The following CSMD1 variants were observed in gnomAD, a reference collection of about 807,000 sequenced individuals.
The protein encoded by CSMD1 is CUB and Sushi multiple domains 1.
A neutral mutation model predicts 417.5 loss-of-function variants in CSMD1; 213 were observed. The ratio of observed to expected loss-of-function variants is 0.51; its 90% CI spans 0.46 to 0.57. The LOEUF is 0.57. Among genes scored for constraint, CSMD1 ranks in the 20% least tolerant of loss-of-function variants. The pLI is 0.00. For missense variants in CSMD1, 6,923 were observed against 4,529.7 expected (o/e 1.53, Z -15.17); for synonymous variants, 2,862 against 1,736.8 (o/e 1.65, Z -16.11).
chr8:4,178,145 C>A (rs1199489855), intron 3 of CSMD1, among the ~76,000 whole-genome samples: 1 of 152,138 alleles, frequency 6.6e-6, no homozygotes, highest in African/African-American at 2.4e-5. Context: ...AATTTTAGAC[C>A]AATATCCTTG....
intron 3 of CSMD1, among the ~76,000 whole-genome samples, chr8:4,296,038 A>G (rs1797662868): frequency 6.6e-6 from 1 of 152,042 alleles, no homozygotes; most frequent in Admixed American, 6.6e-5. Context: ...GAAACTGTCT[A>G]ATTGCAAAAA....
intron 1 of CSMD1, among the ~76,000 whole-genome samples, chr8:4,654,809 T>C (rs1804127701): frequency 6.6e-6 from 1 of 152,104 alleles, no homozygotes; most frequent in Non-Finnish European, 1.5e-5. Context: ...AAGTCATCTT[T>C]CACTGGTGAA....
At chr8:4,501,541 C>G (rs1346113821) in intron 2 of CSMD1, among the ~76,000 whole-genome samples, 4 of 152,118 alleles carry the variant, frequency 2.6e-5, no homozygotes, top group African/African-American at 9.7e-5. Context: ...TTTCAGTTAC[C>G]TAAGGTCAAC....
intron 10 of CSMD1, among the ~76,000 whole-genome samples, chr8:3,507,373 T>TGATGTATA (rs1796872457): frequency 6.6e-6 from 1 of 151,976 alleles, no homozygotes; most frequent in Non-Finnish European, 1.5e-5. Context: ...CATGATGTAT[T>TGATGTATA]TGTGCCACAT....
At position 4,338,057 on chromosome 8, in the gene CSMD1, G is replaced by C. The variant is rs7015647; in HGVS notation, c.415+81896C>G. On this transcript the variant is annotated intron_variant, in intron 3 of 69. Transcript: ENST00000635120. Reference sequence around the variant, plus strand: ...TATTCCAAGAATCTGCTTCAATAAAGCCCCATCATACTCTTTTTAATACAT... The same window carrying C: ...TATTCCAAGAATCTGCTTCAATAAACCCCCATCATACTCTTTTTAATACAT... 5.4e-3 allele frequency among the ~76,000 whole-genome samples: 825 copies of C among 152,174 alleles called. 8 individuals are homozygous for C. The highest frequency in any genetic ancestry group is 0.019 in the African/African-American group (798 of 41,536).
intron 37 of CSMD1, among the ~76,000 whole-genome samples, chr8:3,175,136 G>A (rs1820825782): frequency 2.0e-5 from 3 of 152,092 alleles, no homozygotes; most frequent in Admixed American, 2.0e-4. Flanking sequence ...AAATATTTAT[G>A]TTTAGTTTAT....
chr8:3,687,083 A>C (rs1190673968), intron 7 of CSMD1, among the ~76,000 whole-genome samples: 1 of 152,226 alleles, frequency 6.6e-6, no homozygotes, highest in African/African-American at 2.4e-5. Flanking sequence ...TCAAATACCA[A>C]ATGTATGTCC....
chr8:4,639,118 C>A (rs912729953), intron 1 of CSMD1, among the ~76,000 whole-genome samples: 1 of 152,116 alleles, frequency 6.6e-6, no homozygotes, highest in South Asian at 2.1e-4. Context: ...ATTTCATTTC[C>A]GCTACTCCTG....
chr8:4,382,228 A>G (rs1250337288), intron 3 of CSMD1, among the ~76,000 whole-genome samples: 3 of 152,226 alleles, frequency 2.0e-5, no homozygotes, highest in Non-Finnish European at 4.4e-5. Flanking sequence ...CAATTTCATT[A>G]AACAACCATT....
Position 2,949,402 on chromosome 8 carries a change from G to GAAAAC in CSMD1, c.10315-17_10315-16insGTTTT, listed in dbSNP as rs368841292. 14 of 1,272,060 alleles carry GAAAAC rather than the reference G, an allele frequency of 1.1e-5. No individual in the cohort carries two copies. In the African/African-American group the frequency reaches 1.9e-4, roughly 17 times the overall value. 78.8% of individuals were successfully genotyped at this position (1,272,060 alleles called of 1,614,324 possible). A position where few individuals can be genotyped will look rare whatever the true frequency, so the allele number is the denominator to read the frequency against. ...CAGATGACACCTGACACATAGGAAAGAAAAGAAAAGAAATAAAAAGGTATA... is the reference window on the plus strand; with the variant it reads ...CAGATGACACCTGACACATAGGAAAGAAAACAAAAGAAAAGAAATAAAAAGGTATA... On this transcript the variant is annotated splice_polypyrimidine_tract_variant and intron_variant, in intron 67 of 69. Coordinates refer to ENST00000635120, the MANE Select transcript of CSMD1 (RefSeq NM_033225.6).
In CSMD1 at chr8:4,319,307, C is replaced by T. The variant is rs545602206; in HGVS notation, c.415+100646G>A. On this transcript the variant is annotated intron_variant, in intron 3 of 69. Transcript: ENST00000635120. The stretch of plus-strand genomic sequence containing the variant: ...TTTCCTTGCTTTTAAACAGTTTCTT[C>T]TAAATGAATTAAAAAGTCTTAGCAT... Among the ~76,000 whole-genome samples, 4 of 152,176 alleles carry T rather than the reference C, an allele frequency of 2.6e-5. No homozygotes were observed. The East Asian group carries it at 5.8e-4, about 22-fold the overall frequency.
At position 4,761,932 on chromosome 8, in the gene CSMD1, T is replaced by A. The variant is rs529095296; in HGVS notation, c.86-124374A>T. 3.2e-3 allele frequency among the ~76,000 whole-genome samples: 469 copies of A among 147,020 alleles called. 8 individuals are homozygous for A. Among genetic ancestry groups the A allele is most frequent in the African/African-American group, 0.012 (452 of 38,958 alleles). ...CTATCAATCTATCTATCTATCTATC[T>A]ATCTATCTATCTATCTATCTATCTA... On this transcript the variant is annotated intron_variant, in intron 1 of 69. Coordinates refer to ENST00000635120, the MANE Select transcript of CSMD1 (RefSeq NM_033225.6).
In CSMD1 at chr8:4,182,990, T is replaced by C. The variant is rs188981181; in HGVS notation, c.416-150891A>G. 5.1e-4 allele frequency among the ~76,000 whole-genome samples: 78 copies of C among 152,226 alleles called. 1 individual carries two copies. The highest frequency in any genetic ancestry group is 9.6e-4 in the Non-Finnish European group (65 of 67,996). On this transcript the variant is annotated intron_variant, in intron 3 of 69. Transcript: ENST00000635120. ...GAGGCAAGGAAAGGAAGGATCAAAG[T>C]CTTTCAAGTAAAGAGTAATTACATG...
intron 5 of CSMD1, among the ~76,000 whole-genome samples, chr8:3,984,695 T>G (rs1366696159): frequency 7.5e-6 from 1 of 132,626 alleles, no homozygotes; most frequent in Non-Finnish European, 1.6e-5. Flanking sequence ...CAGGATTCAG[T>G]GTATATATCA....
intron 6 of CSMD1, among the ~76,000 whole-genome samples, chr8:3,718,115 C>G (rs957962998): frequency 3.9e-5 from 6 of 152,184 alleles, no homozygotes; most frequent in Admixed American, 2.0e-4. Context: ...TAAAATAATG[C>G]GCTATTGGAT....
chr8:3,145,776 T>C (rs1159721954), intron 40 of CSMD1, among the ~76,000 whole-genome samples: 1 of 152,252 alleles, frequency 6.6e-6, no homozygotes, highest in African/African-American at 2.4e-5. Flanking sequence ...CAGAGAGTAC[T>C]AAAGCATATA....
intron 10 of CSMD1, among the ~76,000 whole-genome samples, chr8:3,570,060 GAA>G (rs1445092218): frequency 2.0e-5 from 3 of 152,182 alleles, no homozygotes; most frequent in Non-Finnish European, 4.4e-5. Context: ...TAAAAGGAGA[GAA>G]GAGAATTGTA....
intron 1 of CSMD1, among the ~76,000 whole-genome samples, chr8:4,893,071 T>TCC (rs1452218106): frequency 6.6e-6 from 1 of 152,142 alleles, no homozygotes; most frequent in Non-Finnish European, 1.5e-5. Context: ...GTGTCGATTA[T>TCC]CCCCTCCAGG....
rs533467673 is a variant in CSMD1, at chr8:4,633,361, C to G, written c.302+3981G>C. Among the ~76,000 whole-genome samples, 330 of 152,028 alleles carry G rather than the reference C, an allele frequency of 2.2e-3. 1 individual carries two copies. Among genetic ancestry groups the G allele is most frequent in the African/African-American group, 7.7e-3 (320 of 41,460 alleles). ...TCCCCAGTTCACACCAGTCTCCTGC[C>G]TCACCCTCCCTAGTAGCTGGGACTA... On this transcript the variant is annotated intron_variant, in intron 2 of 69. Coordinates refer to ENST00000635120, the MANE Select transcript of CSMD1 (RefSeq NM_033225.6).
Sources: gnomAD v4.1 joint callset for allele counts (sites outside exome capture counted in the v4.1 genomes callset) on GRCh38, gnomAD v4.1.1 for gene constraint, MANE v1.5 for transcripts, NCBI Gene and HGNC (gene_info 2026-07-23, HGNC 2026-07-21) for gene names.